ARMCX4: variants seen among roughly 807,000 people sequenced by gnomAD.
ARMCX4 encodes the protein armadillo repeat containing X-linked 4.
In ARMCX4, 3 loss-of-function variants were observed where a neutral mutation model predicts 34.7. The ratio of observed to expected loss-of-function variants is 0.09; its 90% CI spans 0.04 to 0.22. The LOEUF is 0.22. ARMCX4 is among the 10% of genes least tolerant of loss of function. The pLI is 1.00. For synonymous variants in ARMCX4, 513 were observed against 632.8 expected, an observed-to-expected ratio of 0.81 and a Z score of 2.84; for missense variants, 1,448 against 1,720.8, an observed-to-expected ratio of 0.84 and a Z score of 2.81.
At chrX:101,474,488 C>T (rs201519615) in intron 4 of ARMCX4, among the ~76,000 whole-genome samples, 9,367 of 102,267 alleles carry the variant, frequency 0.092, 510 homozygotes, top group East Asian at 0.19. Flanking sequence ...ATACCAAAGC[C>T]TGGCAGAGAC....
chrX:101,432,751 T>G (rs1555992480), intron 2 of ARMCX4, among the ~76,000 whole-genome samples: 1 of 66,484 alleles, frequency 1.5e-5, no homozygotes, highest in African/African-American at 4.0e-5. Context: ...TATATATATG[T>G]GTATATACAC....
downstream of ARMCX4, among the ~76,000 whole-genome samples, chrX:101,533,808 C>T (rs150474782): frequency 8.4e-3 from 935 of 111,277 alleles, 10 homozygotes; most frequent in African/African-American, 0.028. Context: ...CAGTTATTTC[C>T]ACAATTATTT....
intron 4 of ARMCX4, among the ~76,000 whole-genome samples, chrX:101,478,506 C>T (rs1004786492): frequency 9.0e-6 from 1 of 111,709 alleles, no homozygotes; most frequent in Non-Finnish European, 1.9e-5. Flanking sequence ...ATTCCAATGA[C>T]GTAAACTTCA....
At chrX:101,518,080 G>C (rs1934779143) in intron 11 of ARMCX4, among the ~76,000 whole-genome samples, 1 of 111,663 alleles carries the variant, frequency 9.0e-6, no homozygotes, top group Non-Finnish European at 1.9e-5. Flanking sequence ...ACCCAAAAAA[G>C]TTTATGTTAG....
chrX:101,421,117 C>T (rs181609234), intron 2 of ARMCX4, among the ~76,000 whole-genome samples: 1,721 of 105,570 alleles, frequency 0.016, 41 homozygotes, highest in African/African-American at 0.057. Flanking sequence ...GCAGGAGAAT[C>T]GCTTGAACCC....
chrX:101,495,038 A>G lies in ARMCX4; in HGVS notation c.6449A>G (p.His2150Arg), dbSNP rs782092748. The G allele has an allele frequency of 8.7e-7, 1 of 1,153,646 alleles. No individual in the cohort carries two copies. The highest frequency in any genetic ancestry group is 1.9e-5 in the South Asian group (1 of 52,697). The change falls in exon 6 of 6, where the codon CAT becomes CGT. Residue 2150 changes from histidine (H) to arginine (R), a missense_variant. Coordinates refer to ENST00000423738, the MANE Select transcript of ARMCX4 (RefSeq NM_001256155.3). ...TTGGCTGGACTAAGGTTGATAAGGC[A>G]TCTGACTATTACCAGTGAATATCAG... ...VQLAGLRLIR[H>R]LTITSEYQHM...
At chrX:101,521,710 G>A (rs1467527192) in intron 11 of ARMCX4, among the ~76,000 whole-genome samples, 1 of 110,328 alleles carries the variant, frequency 9.1e-6, no homozygotes, top group Non-Finnish European at 1.9e-5. Context: ...CATAAGTTTT[G>A]GTATGTTGTA....
At chrX:101,464,061 T>G (rs1365830651) in intron 4 of ARMCX4, among the ~76,000 whole-genome samples, 2 of 110,110 alleles carry the variant, frequency 1.8e-5, no homozygotes, top group Admixed American at 9.6e-5. Flanking sequence ...CCCAGCCTAT[T>G]TTTTCTAAGA....
chrX:101,469,935 C>A (rs982658281), intron 4 of ARMCX4, among the ~76,000 whole-genome samples: 1 of 111,828 alleles, frequency 8.9e-6, no homozygotes, highest in African/African-American at 3.2e-5. Flanking sequence ...CCTTAATTTG[C>A]GTATAATTAA....
chrX:101,437,149 G>A (rs1930851195), intron 2 of ARMCX4, among the ~76,000 whole-genome samples: 1 of 111,790 alleles, frequency 8.9e-6, no homozygotes, highest in South Asian at 3.7e-4. Flanking sequence ...TCAAGATGAT[G>A]CTGGCCTCAT....
intron 11 of ARMCX4, among the ~76,000 whole-genome samples, chrX:101,527,323 A>C (rs1458518919): frequency 7.1e-5 from 8 of 112,061 alleles, no homozygotes; most frequent in Non-Finnish European, 1.1e-4. Context: ...TCTGGGACGC[A>C]TTTAAGCAGT....
chrX:101,492,025 G>A lies in ARMCX4; in HGVS notation c.3436G>A (p.Asp1146Asn), dbSNP rs973357015. Residue 1146 changes from aspartate (D) to asparagine (N), a missense_variant, in exon 6 of 6, where the codon GAT (aspartate) becomes AAT (asparagine). This residue lies in a region of ARMCX4 where 1,343 missense variants were observed against 1,540.7 expected (regional missense o/e 0.87). Coordinates refer to ENST00000423738, the MANE Select transcript of ARMCX4 (RefSeq NM_001256155.3). ...ASIGSWSGAS[D>N]KAGIIRSWAV... ...TATTGGGTCCTGGAGTGGGGCTAGTGATAAGGCTGGGATTATTCGGTCTTG... is the reference window on the plus strand; with the variant it reads ...TATTGGGTCCTGGAGTGGGGCTAGTAATAAGGCTGGGATTATTCGGTCTTG... The A allele has an allele frequency of 3.7e-5, 43 of 1,154,881 alleles. No homozygotes were observed. The highest frequency in any genetic ancestry group is 4.7e-5 in the Non-Finnish European group (41 of 872,180).
downstream of ARMCX4, chrX:101,498,179 C>A (rs782575599): frequency 4.0e-5 from 13 of 329,060 alleles, no homozygotes; most frequent in East Asian, 1.3e-3. Context: ...AGTAAAAACG[C>A]TTCATGCTGA....
intron 11 of ARMCX4, among the ~76,000 whole-genome samples, chrX:101,514,316 G>GA (rs1224361658): frequency 2.7e-5 from 3 of 110,999 alleles, no homozygotes; most frequent in Non-Finnish European, 5.7e-5. Context: ...ACCTGGCTAT[G>GA]AAAAAAATAG....
Position 101,494,585 on chromosome X carries a change from C to CT in ARMCX4, c.5997dup (p.Lys2000Ter). 8.7e-7 allele frequency: 1 copy of CT among 1,155,510 alleles called. No homozygotes were observed. Among genetic ancestry groups the CT allele is most frequent in the Non-Finnish European group, 1.1e-6 (1 of 872,627 alleles). On this transcript the variant is annotated frameshift_variant, in exon 6 of 6. Coordinates refer to ENST00000423738, the MANE Select transcript of ARMCX4 (RefSeq NM_001256155.3). LOFTEE classifies it high-confidence loss of function. ...GATGGAGCCATGATCTGGTCGGAAA[C>CT]TAAGTTTGCACACCAAAGTGAGGCC...
chrX:101,439,181 C>G (rs781879441), intron 2 of ARMCX4, among the ~76,000 whole-genome samples: 1 of 111,797 alleles, frequency 8.9e-6, no homozygotes, highest in South Asian at 3.7e-4. Flanking sequence ...GACAGAATCT[C>G]TCAGCATTTG....
intron 2 of ARMCX4, among the ~76,000 whole-genome samples, chrX:101,429,147 G>A (rs370211363): frequency 7.2e-5 from 8 of 110,363 alleles, no homozygotes; most frequent in Middle Eastern, 4.6e-3. Flanking sequence ...GGCATGAGCC[G>A]CTGTGCCCAG....
At chrX:101,479,067 C>T (rs1001519525) in intron 4 of ARMCX4, among the ~76,000 whole-genome samples, 6 of 110,551 alleles carry the variant, frequency 5.4e-5, no homozygotes, top group Non-Finnish European at 9.5e-5. Flanking sequence ...TTTGAAAGTT[C>T]GTTATTTCAC....
rs369399755 is a variant in ARMCX4, at chrX:101,489,975, G to C, written c.1386G>C (p.Val462=). Residue 462 remains valine (V), a synonymous_variant, in exon 6 of 6, where the codon GTG becomes GTC. Coordinates refer to ENST00000423738, the MANE Select transcript of ARMCX4 (RefSeq NM_001256155.3). Reference sequence around the variant, plus strand: ...GCAATCCCAATGTTATGGCTAAGGTGGGGGATGGGACAGACATGTTGTCCT... The same window carrying C: ...GCAATCCCAATGTTATGGCTAAGGTCGGGGATGGGACAGACATGTTGTCCT... ...SRGNPNVMAK[V]GDGTDMLSCT... is the part of the protein sequence containing the mutation. The C allele has an allele frequency of 8.7e-7, 1 of 1,155,514 alleles. No homozygotes were observed. The highest frequency in any genetic ancestry group is 1.1e-6 in the Non-Finnish European group (1 of 872,737).
Sources: allele counts gnomAD v4.1 joint callset (sites outside exome capture counted in the v4.1 genomes callset), GRCh38; gene constraint gnomAD v4.1.1; regional missense constraint gnomAD v4.1.1; transcripts MANE v1.5; gene names NCBI Gene and HGNC (gene_info 2026-07-23, HGNC 2026-07-21).